The following TESMIN variants were observed in gnomAD, a reference collection of about 807,000 sequenced individuals.
TESMIN encodes the protein CXC domain containing 2.
TESMIN carries 34 observed loss-of-function variants against 47.4 expected under a neutral mutation model. The observed-to-expected ratio is 0.72, with a 90% CI of 0.55 to 0.96. TESMIN has a LOEUF of 0.96. Among genes scored for constraint, TESMIN ranks in the 40% least tolerant of loss-of-function variants. The pLI, the probability that TESMIN is intolerant of heterozygous loss-of-function variation, is 0.00. For missense variants in TESMIN, 610 were observed against 637.2 expected (o/e 0.96, Z 0.46); for synonymous variants, 278 against 258.9 (o/e 1.07, Z -0.71).
intron 6 of TESMIN, among the ~76,000 whole-genome samples, chr11:68,718,922 C>G (rs994591634): frequency 6.6e-6 from 1 of 152,184 alleles, no homozygotes; most frequent in Non-Finnish European, 1.5e-5. Context: ...TTTTTAGACA[C>G]GTAAGGTCTG....
chr11:68,735,717 C>T (rs1004807532), intron 6 of TESMIN, among the ~76,000 whole-genome samples: 4 of 152,242 alleles, frequency 2.6e-5, no homozygotes, highest in African/African-American at 9.6e-5. Context: ...TCAACCAGCA[C>T]ACTGTGCTAC....
At chr11:68,741,851 C>G (rs927497125) in intron 5 of TESMIN, among the ~76,000 whole-genome samples, 1 of 152,220 alleles carries the variant, frequency 6.6e-6, no homozygotes, top group Admixed American at 6.5e-5. Context: ...AGGGAAGGCT[C>G]TTCCGGGGAG....
At chr11:68,747,094 G>C (rs1034869026) in intron 3 of TESMIN, 114 bp downstream of exon 3, 33 of 1,227,254 alleles carry the variant, frequency 2.7e-5, no homozygotes, top group Non-Finnish European at 3.8e-5. Flanking sequence ...CAAAAATCCT[G>C]ATACAATACA....
At chr11:68,723,827 G>GA (rs1458083172) in intron 6 of TESMIN, among the ~76,000 whole-genome samples, 9 of 151,984 alleles carry the variant, frequency 5.9e-5, no homozygotes, top group African/African-American at 1.9e-4. Flanking sequence ...ATTGACTCAA[G>GA]AAAAAACATA....
chr11:68,730,718 C>T (rs1946316768), intron 6 of TESMIN, among the ~76,000 whole-genome samples: 8 of 151,380 alleles, frequency 5.3e-5, no homozygotes, highest in Admixed American at 5.3e-4. Flanking sequence ...CTGCTGGAAC[C>T]TGGGAGGTGG....
intron 6 of TESMIN, among the ~76,000 whole-genome samples, chr11:68,723,462 T>TAAA (rs201374225): frequency 4.4e-5 from 4 of 90,486 alleles, no homozygotes; most frequent in East Asian, 5.8e-4. Context: ...GTGCATTTCC[T>TAAA]AAAAAAAAAA....
rs751493543 is a variant in TESMIN at position 68,750,614 on chromosome 11, G to A, written c.47C>T (p.Ala16Val). The change falls in exon 2 of 10, where the codon GCG (alanine) becomes GTG (valine). Residue 16 changes from alanine to valine, a missense_variant. By Grantham distance (64) the Ala-to-Val change is moderately conservative. Coordinates refer to ENST00000255087, the MANE Select transcript of TESMIN (RefSeq NM_004923.3). ...LPGGLPSPED[A>V]MVTELLSPEG... Reference sequence around the variant, plus strand: ...GGGGCTTAAGAGCTCCGTCACCATCGCATCCTCGGGGCTGGGCAGCCCGCC... The same window carrying A: ...GGGGCTTAAGAGCTCCGTCACCATCACATCCTCGGGGCTGGGCAGCCCGCC... The A allele has an allele frequency of 3.1e-6, 5 of 1,593,224 alleles. No individual in the cohort carries two copies. The Admixed American group carries it at 6.8e-5, about 22-fold the overall frequency.
At chr11:68,708,543 A>G (rs4930597) in intron 9 of TESMIN, 43 bp from the exon 10 acceptor site, 1,070,211 of 1,499,314 alleles carry the variant, frequency 0.71, 384,328 homozygotes, top group East Asian at 0.84. Context: ...ACAGTGCACC[A>G]TTTCTACCTA....
At chr11:68,748,793 A>G (rs1019668783) in intron 2 of TESMIN, among the ~76,000 whole-genome samples, 28 of 152,222 alleles carry the variant, frequency 1.8e-4, no homozygotes, top group African/African-American at 6.5e-4. Context: ...AATTGGATTA[A>G]AGAGAATTTT....
At chr11:68,745,473 A>G (rs1426170829) in intron 3 of TESMIN, among the ~76,000 whole-genome samples, 1 of 152,128 alleles carries the variant, frequency 6.6e-6, no homozygotes, top group Non-Finnish European at 1.5e-5. Context: ...CACCATTGAC[A>G]TGAGCAGAAG....
rs1036633527 is a variant in TESMIN at position 68,736,804 on chromosome 11, G to A, written c.917+1896C>T. On this transcript the variant is annotated intron_variant, in intron 6 of 9. Transcript: ENST00000255087. ...GGGAGGAGAACAAAGAGGAGGAGGA[G>A]GGGACGAGAAGAGGAAGGAGGAGGA... The A allele has an allele frequency of 1.1e-4, 103 of 976,246 alleles. 1 individual carries two copies. In the South Asian group the frequency reaches 2.8e-3, roughly 27 times the overall value. 60.5% of individuals were successfully genotyped at this position (976,246 alleles called of 1,614,324 possible).
At chr11:68,724,406 G>A (rs750377306) in intron 6 of TESMIN, among the ~76,000 whole-genome samples, 2 of 152,182 alleles carry the variant, frequency 1.3e-5, no homozygotes, top group African/African-American at 4.8e-5. Flanking sequence ...AGAAGGGCAC[G>A]TAGCAGAGAA....
At chr11:68,744,667 C>G (rs1026266588) in intron 4 of TESMIN, among the ~76,000 whole-genome samples, 9 of 152,190 alleles carry the variant, frequency 5.9e-5, no homozygotes, top group Non-Finnish European at 1.3e-4. Context: ...ATATTTCAAT[C>G]TAGGCACATC....
intron 6 of TESMIN, among the ~76,000 whole-genome samples, chr11:68,725,801 A>C (rs1946256449): frequency 6.6e-6 from 1 of 152,158 alleles, no homozygotes; most frequent in African/African-American, 2.4e-5. Flanking sequence ...ACTCATTCTT[A>C]ATTCATTGGC....
chr11:68,727,411 G>T (rs1023819576), intron 6 of TESMIN, among the ~76,000 whole-genome samples: 10 of 152,186 alleles, frequency 6.6e-5, no homozygotes, highest in Admixed American at 4.6e-4. Flanking sequence ...CTGTACTCCA[G>T]CCTGGGCAAC....
At chr11:68,719,281 G>C (rs968042503) in intron 6 of TESMIN, among the ~76,000 whole-genome samples, 1 of 152,218 alleles carries the variant, frequency 6.6e-6, no homozygotes, top group African/African-American at 2.4e-5. Flanking sequence ...AGAAGACTAA[G>C]TACTGGGTAT....
intron 8 of TESMIN, 76 bp from the exon 9 acceptor site, chr11:68,711,125 TTAAA>T (rs1946061188): frequency 3.2e-6 from 4 of 1,269,048 alleles, no homozygotes; most frequent in Non-Finnish European, 4.4e-6. Context: ...TATTTGGACC[TTAAA>T]TAATTCTTCG....
At chr11:68,732,100 C>T (rs1375248728) in intron 6 of TESMIN, among the ~76,000 whole-genome samples, 1 of 152,126 alleles carries the variant, frequency 6.6e-6, no homozygotes, top group Non-Finnish European at 1.5e-5. Context: ...ATTGGGAGGG[C>T]TCTAAGTCTC....
chr11:68,726,719 G>C (rs552649266), intron 6 of TESMIN, among the ~76,000 whole-genome samples: 1 of 152,196 alleles, frequency 6.6e-6, no homozygotes, highest in East Asian at 1.9e-4. Context: ...AATTAATCTA[G>C]TTAATTAGAG....
Sources: allele counts gnomAD v4.1 joint callset (sites outside exome capture counted in the v4.1 genomes callset), GRCh38; gene constraint gnomAD v4.1.1; transcripts MANE v1.5; gene names NCBI Gene and HGNC (gene_info 2026-07-23, HGNC 2026-07-21).